Variants in SAMD5 observed in about 807,000 individuals in gnomAD.
The protein encoded by SAMD5 is sterile alpha motif domain containing 5, also known as sterile alpha motif domain-containing protein 5.
In SAMD5, 13 loss-of-function variants were observed where a neutral mutation model predicts 11.3. The ratio of observed to expected loss-of-function variants is 1.15; its 90% CI spans 0.75 to 1.83. SAMD5 has a LOEUF of 1.83. SAMD5 is among the 40% of genes most tolerant of loss of function. The pLI, the probability that SAMD5 is intolerant of heterozygous loss-of-function variation, is 0.00. For synonymous variants in SAMD5, 129 were observed against 111.3 expected (o/e 1.16, Z -1.00); for missense variants, 255 against 239.1 (o/e 1.07, Z -0.44).
At chr6:147,519,726 C>T (rs1325292696) in intron 1 of SAMD5, among the ~76,000 whole-genome samples, 1 of 152,094 alleles carries the variant, frequency 6.6e-6, no homozygotes, top group Non-Finnish European at 1.5e-5. Flanking sequence ...GGGTTGGGGG[C>T]CTCTGAATTA....
chr6:147,740,686 C>T (rs796309641), downstream of SAMD5, among the ~76,000 whole-genome samples: 2 of 152,266 alleles, frequency 1.3e-5, no homozygotes, highest in Middle Eastern at 3.4e-3. Flanking sequence ...GCAGGAAAAA[C>T]GAGGCCATTC....
At chr6:147,845,611 C>T in the SAMD5 span, among the ~76,000 whole-genome samples, 1 of 151,810 alleles carries the variant, frequency 6.6e-6, no homozygotes, top group African/African-American at 2.4e-5. Flanking sequence ...ATACAGATGG[C>T]AAATAAGTAC....
the SAMD5 span, among the ~76,000 whole-genome samples, chr6:147,790,863 CTT>C: frequency 1.4e-5 from 2 of 145,004 alleles, no homozygotes; most frequent in Non-Finnish European, 3.0e-5. Flanking sequence ...CTGGGGCAAA[CTT>C]TTCATCTGCT....
the SAMD5 span, among the ~76,000 whole-genome samples, chr6:147,861,014 C>CAACAGTTGCAAAAGGAA: frequency 6.6e-6 from 1 of 152,230 alleles, no homozygotes; most frequent in East Asian, 1.9e-4. Flanking sequence ...ATAGTAGGCT[C>CAACAGTTGCAAAAGGAA]AACAGTTGCA....
chr6:147,912,194 A>G, the SAMD5 span, among the ~76,000 whole-genome samples: 1 of 152,164 alleles, frequency 6.6e-6, no homozygotes, highest in Non-Finnish European at 1.5e-5. Flanking sequence ...CAAATTTAGA[A>G]CACAAGAAAC....
intron 1 of SAMD5, among the ~76,000 whole-genome samples, chr6:147,584,024 A>G (rs970873874): frequency 6.6e-6 from 1 of 152,156 alleles, no homozygotes; most frequent in Non-Finnish European, 1.5e-5. Flanking sequence ...TTCAGAGCAT[A>G]TGATTTTAGA....
chr6:147,712,160 A>G (rs1212092156), intron 1 of SAMD5, among the ~76,000 whole-genome samples: 2 of 152,080 alleles, frequency 1.3e-5, no homozygotes, highest in African/African-American at 4.8e-5. Context: ...TATATTTTAT[A>G]TTTTCTAAGT....
intron 1 of SAMD5, among the ~76,000 whole-genome samples, chr6:147,551,823 T>TC (rs1788779315): frequency 7.0e-6 from 1 of 143,554 alleles, no homozygotes; most frequent in Non-Finnish European, 1.5e-5. Flanking sequence ...TATATATATA[T>TC]ATATATATAT....
At chr6:147,685,569 T>C (rs1318997842) in intron 1 of SAMD5, among the ~76,000 whole-genome samples, 1 of 152,216 alleles carries the variant, frequency 6.6e-6, no homozygotes, top group Non-Finnish European at 1.5e-5. Flanking sequence ...ATGGATAACT[T>C]TGCCTTCTTG....
intron 1 of SAMD5, among the ~76,000 whole-genome samples, chr6:147,697,740 C>T (rs1791196743): frequency 6.6e-6 from 1 of 152,174 alleles, no homozygotes; most frequent in South Asian, 2.1e-4. Context: ...TCCAGCATCT[C>T]ATTGTCTGGA....
chr6:147,526,817 G>GAGACAGTAGTTACCTGGT, intron 1 of SAMD5, among the ~76,000 whole-genome samples: 1 of 141,296 alleles, frequency 7.1e-6, no homozygotes, highest in Non-Finnish European at 1.6e-5. Context: ...AATGGGATGG[G>GAGACAGTAGTTACCTGGT]AGAAATGAAG....
the SAMD5 span, among the ~76,000 whole-genome samples, chr6:147,752,748 A>C: frequency 6.6e-6 from 1 of 152,180 alleles, no homozygotes; most frequent in African/African-American, 2.4e-5. Flanking sequence ...TGGCACACTT[A>C]TGGAATCTGA....
At chr6:147,824,097 G>C in the SAMD5 span, among the ~76,000 whole-genome samples, 12 of 152,314 alleles carry the variant, frequency 7.9e-5, no homozygotes, top group East Asian at 2.3e-3. Flanking sequence ...TCAGTGCTCA[G>C]AGCCTGGCCA....
At chr6:147,618,791 T>G (rs1430416403) in intron 1 of SAMD5, among the ~76,000 whole-genome samples, 9 of 152,226 alleles carry the variant, frequency 5.9e-5, no homozygotes, top group Admixed American at 2.6e-4. Context: ...TCCTGTGACC[T>G]TTCCCCTTTT....
intron 1 of SAMD5, among the ~76,000 whole-genome samples, chr6:147,656,383 A>G (rs1200681832): frequency 6.6e-6 from 1 of 152,190 alleles, no homozygotes; most frequent in Admixed American, 6.5e-5. Flanking sequence ...ATTGAAAACA[A>G]ACAAATACAC....
chr6:147,922,449 C>G, the SAMD5 span, among the ~76,000 whole-genome samples: 2 of 152,170 alleles, frequency 1.3e-5, no homozygotes, highest in Admixed American at 1.3e-4. Context: ...GGAAAAATTT[C>G]TCTTGTTTTA....
Position 147,565,956 on chromosome 6 carries a change from C to A in SAMD5, c.*1500C>A, listed in dbSNP as rs111731087. 10,084 of 984,788 alleles carry A rather than the reference C, an allele frequency of 0.01. 71 individuals are homozygous for A. The highest frequency in any genetic ancestry group is 0.026 in the Middle Eastern group (49 of 1,914). 61.0% of individuals were successfully genotyped at this position (984,788 alleles called of 1,614,324 possible). A position where few individuals can be genotyped will look rare whatever the true frequency, so the allele number is the denominator to read the frequency against. The stretch of plus-strand genomic sequence containing the variant: ...GAATGTACAAGATGTAAGTTCCCAT[C>A]GGCACCGTCATGGTAAGAAGAATAA... On this transcript the variant is annotated 3_prime_UTR_variant, in exon 2 of 2. Coordinates refer to ENST00000367474, the MANE Select transcript of SAMD5 (RefSeq NM_001030060.3).
intron 1 of SAMD5, among the ~76,000 whole-genome samples, chr6:147,536,758 AATTAT>A (rs1788515578): frequency 6.6e-6 from 1 of 152,082 alleles, no homozygotes; most frequent in African/African-American, 2.4e-5. Flanking sequence ...ATGTACACTA[AATTAT>A]ATTAACATTA....
At chr6:147,515,176 GTTTTTTTTTTTTT>G (rs71031029) in intron 1 of SAMD5, among the ~76,000 whole-genome samples, 14 of 75,036 alleles carry the variant, frequency 1.9e-4, no homozygotes, top group Admixed American at 3.8e-4. Flanking sequence ...ATCCTTCCAG[GTTTTTTTTTTTTT>G]TTTTTTTTTT....
Sources: gnomAD v4.1 joint callset for allele counts (sites outside exome capture counted in the v4.1 genomes callset) on GRCh38, gnomAD v4.1.1 for gene constraint, MANE v1.5 for transcripts, NCBI Gene and HGNC (gene_info 2026-07-23, HGNC 2026-07-21) for gene names.